The following SLC44A3 variants were observed in gnomAD, a reference collection of about 807,000 sequenced individuals.
SLC44A3 encodes the protein choline transporter-like protein 3.
SLC44A3 carries 74 observed loss-of-function variants against 75.4 expected under a neutral mutation model. The observed-to-expected ratio is 0.98, with a 90% CI of 0.81 to 1.19. The LOEUF (loss-of-function observed/expected upper bound fraction) is 1.19. SLC44A3 is among the 50% of genes most tolerant of loss of function. The probability of loss-of-function intolerance (pLI) is 0.00; values close to 1 mark genes in which losing one functional copy is unlikely to be tolerated. For missense variants in SLC44A3, 700 were observed against 778.6 expected, an observed-to-expected ratio of 0.90 and a Z score of 1.20; for synonymous variants, 310 against 296.9, an observed-to-expected ratio of 1.04 and a Z score of -0.45.
At chr1:94,862,758 G>T (rs894901070) in intron 10 of SLC44A3, among the ~76,000 whole-genome samples, 3 of 152,186 alleles carry the variant, frequency 2.0e-5, no homozygotes, top group African/African-American at 7.2e-5. Flanking sequence ...AAGGCTGACT[G>T]GGGGCCCAGT....
intron 12 of SLC44A3, among the ~76,000 whole-genome samples, chr1:94,887,428 G>C (rs916488015): frequency 1.3e-5 from 2 of 152,116 alleles, no homozygotes; most frequent in Non-Finnish European, 2.9e-5. Flanking sequence ...CCTGCAGGAA[G>C]GCATATATAA....
At position 94,853,643 on chromosome 1, in the gene SLC44A3, G is replaced by C. The variant is rs139655496; in HGVS notation, c.1073-3692G>C. Among the ~76,000 whole-genome samples the C allele has an allele frequency of 4.0e-3, 616 of 152,278 alleles. 4 individuals are homozygous for C. The highest frequency in any genetic ancestry group is 6.5e-3 in the Non-Finnish European group (445 of 68,038). ...ATGGACCCGTGTTGATAGCAGGTTA[G>C]GTGTGAGGTGGTCAGCACTAGCAGA... On this transcript the variant is annotated intron_variant, in intron 9 of 14. Coordinates refer to ENST00000271227, the MANE Select transcript of SLC44A3 (RefSeq NM_001114106.3).
rs567294707 is a variant in SLC44A3, at chr1:94,834,020, C to T, written c.510-3691C>T. Among the ~76,000 whole-genome samples, 172 of 152,288 alleles carry T rather than the reference C, an allele frequency of 1.1e-3. 1 individual carries two copies. The South Asian group carries it at 0.02, about 18-fold the overall frequency. Reference sequence around the variant, plus strand: ...TACAAACACTGTACTCCAGATAGTACATTTGTTTGTCACATAGCTACTGGT... The same window carrying T: ...TACAAACACTGTACTCCAGATAGTATATTTGTTTGTCACATAGCTACTGGT... On this transcript the variant is annotated intron_variant, in intron 5 of 14. Coordinates refer to ENST00000271227, the MANE Select transcript of SLC44A3 (RefSeq NM_001114106.3).
intron 12 of SLC44A3, 58 bp downstream of exon 12, chr1:94,867,475 C>G: frequency 7.0e-7 from 1 of 1,432,414 alleles, no homozygotes; most frequent in Non-Finnish European, 9.5e-7. Context: ...TGGGCTTCAT[C>G]TCTTAGGTCA....
At chr1:94,877,291 C>G (rs573213221) in intron 12 of SLC44A3, among the ~76,000 whole-genome samples, 1 of 151,978 alleles carries the variant, frequency 6.6e-6, no homozygotes, top group Non-Finnish European at 1.5e-5. Flanking sequence ...TGGGAAACCT[C>G]TTTCTTCACC....
chr1:94,839,414 G>A (rs1219086690), intron 6 of SLC44A3, among the ~76,000 whole-genome samples: 1 of 151,938 alleles, frequency 6.6e-6, no homozygotes, highest in Non-Finnish European at 1.5e-5. Flanking sequence ...TTGAGACAGA[G>A]TCTTGCTCTG....
intron 12 of SLC44A3, among the ~76,000 whole-genome samples, chr1:94,888,293 TTAAAA>T (rs1205823752): frequency 6.6e-6 from 1 of 152,144 alleles, no homozygotes; most frequent in African/African-American, 2.4e-5. Flanking sequence ...ATTTAAAAAA[TTAAAA>T]TAAAACGGTC....
chr1:94,890,370 T>C (rs926040596), intron 12 of SLC44A3, among the ~76,000 whole-genome samples: 6 of 152,218 alleles, frequency 3.9e-5, no homozygotes, highest in Non-Finnish European at 7.3e-5. Flanking sequence ...GAGCTCCTCG[T>C]CTTCTCCAAG....
intron 2 of SLC44A3, among the ~76,000 whole-genome samples, chr1:94,822,908 G>T (rs943588864): frequency 1.1e-4 from 16 of 152,150 alleles, no homozygotes; most frequent in African/African-American, 3.9e-4. Context: ...GTTTATAGTA[G>T]TAGTTTCTTG....
chr1:94,895,080 G>A lies in SLC44A3; in HGVS notation c.*158G>A. The A allele has an allele frequency of 1.7e-6, 1 of 589,860 alleles. No individual in the cohort carries two copies. Among genetic ancestry groups the A allele is most frequent in the South Asian group, 2.5e-5 (1 of 40,206 alleles). 36.5% of individuals were successfully genotyped at this position (589,860 alleles called of 1,614,324 possible). ...TGTCTTTGTCATTATTGTTTGACCA[G>A]GTAACAATACTGGAACTATATTAGT... On this transcript the variant is annotated 3_prime_UTR_variant, in exon 15 of 15. Coordinates refer to ENST00000271227, the MANE Select transcript of SLC44A3 (RefSeq NM_001114106.3).
intron 12 of SLC44A3, among the ~76,000 whole-genome samples, chr1:94,879,846 A>AG (rs1016394141): frequency 6.6e-6 from 1 of 151,820 alleles, no homozygotes; most frequent in Non-Finnish European, 1.5e-5. Context: ...CTCAAAAAAA[A>AG]AAAAAAAGAA....
chr1:94,842,451 T>C (rs182814794), intron 8 of SLC44A3, among the ~76,000 whole-genome samples: 1 of 152,210 alleles, frequency 6.6e-6, no homozygotes, highest in Non-Finnish European at 1.5e-5. Context: ...ATTCCCTGTT[T>C]GTGAGGTGCG....
intron 12 of SLC44A3, among the ~76,000 whole-genome samples, chr1:94,878,767 C>A (rs1253620572): frequency 6.6e-6 from 1 of 152,158 alleles, no homozygotes; most frequent in East Asian, 1.9e-4. Context: ...ATAGGAAGCA[C>A]AGAAATAATG....
intron 14 of SLC44A3, among the ~76,000 whole-genome samples, chr1:94,893,527 T>C (rs997970321): frequency 2.6e-5 from 4 of 151,970 alleles, no homozygotes; most frequent in Admixed American, 1.3e-4. Flanking sequence ...ATTACAGGCG[T>C]GCACCACCAC....
chr1:94,837,668 T>C (rs1165152354), intron 5 of SLC44A3, 43 bp from the exon 6 acceptor site: 1 of 1,527,056 alleles, frequency 6.5e-7, no homozygotes, highest in Non-Finnish European at 8.8e-7. Context: ...TAAAGATAAA[T>C]GTTAAATAAA....
chr1:94,892,329 T>G lies in SLC44A3; in HGVS notation c.1669T>G (p.Tyr557Asp), dbSNP rs777822049. Reference sequence around the variant, plus strand: ...TTTTGGAGGACTCATGGCTTTTAACTACAATCGGGCATTCCAGGTGTGGGC... The same window carrying G: ...TTTTGGAGGACTCATGGCTTTTAACGACAATCGGGCATTCCAGGTGTGGGC... ...TVFGGLMAFN[Y>D]NRAFQVWAVP... Residue 557 changes from tyrosine (Y) to aspartate (D), a missense_variant, in exon 14 of 15, where the codon TAC becomes GAC. Tyr to Asp is a radical substitution (Grantham distance 160). Transcript: ENST00000271227. The G allele has an allele frequency of 4.3e-6, 7 of 1,614,124 alleles. No homozygotes were observed. The East Asian group carries it at 6.7e-5, about 15-fold the overall frequency.
intron 3 of SLC44A3, 161 bp from the exon 4 acceptor site, chr1:94,827,346 A>G: frequency 1.2e-6 from 1 of 820,104 alleles, no homozygotes; most frequent in African/African-American, 1.7e-5. Flanking sequence ...ATGGATGACC[A>G]CCAGTAGGCA....
chr1:94,820,916 C>T, intron 1 of SLC44A3, 33 bp from the exon 2 acceptor site: 3 of 1,539,378 alleles, frequency 1.9e-6, no homozygotes, highest in Non-Finnish European at 2.6e-6. Flanking sequence ...ACCTGTTTAT[C>T]TTCTTTTTCT....
chr1:94,837,030 C>T (rs968728787), intron 5 of SLC44A3: 10 of 151,372 alleles, frequency 6.6e-5, no homozygotes, highest in African/African-American at 2.2e-4. Flanking sequence ...TTTGCAACAA[C>T]GTGGATGAAC....
Sources: gnomAD v4.1 joint callset for allele counts (sites outside exome capture counted in the v4.1 genomes callset) on GRCh38, gnomAD v4.1.1 for gene constraint, MANE v1.5 for transcripts, NCBI Gene and HGNC (gene_info 2026-07-23, HGNC 2026-07-21) for gene names.